The following ANO3 variants were observed in gnomAD, a reference collection of about 807,000 sequenced individuals.
ANO3 encodes the protein anoctamin 3.
ANO3 carries 99 observed loss-of-function variants against 144.8 expected under a neutral mutation model. The ratio of observed to expected loss-of-function variants is 0.68; its 90% confidence interval spans 0.58 to 0.81. The LOEUF is 0.81. Ranked by LOEUF, ANO3 falls within the 30% of genes least tolerant of loss-of-function variation. ANO3 has a pLI of 0.00. For synonymous variants in ANO3, 414 were observed against 392.6 expected (o/e 1.05, Z -0.64); for missense variants, 905 against 1,202.2 (o/e 0.75, Z 3.66).
chr11:26,203,962 T>G (rs1851747226), intron 1 of ANO3, among the ~76,000 whole-genome samples: 2 of 152,102 alleles, frequency 1.3e-5, no homozygotes, highest in Non-Finnish European at 2.9e-5. Flanking sequence ...TCTCTCACAG[T>G]TTTTACAACA....
intron 4 of ANO3, among the ~76,000 whole-genome samples, chr11:26,474,449 T>C (rs995596369): frequency 1.3e-5 from 2 of 151,844 alleles, no homozygotes; most frequent in Non-Finnish European, 2.9e-5. Flanking sequence ...ATAAAATATA[T>C]TTACCTTTAA....
chr11:26,203,472 T>C (rs1197268689), intron 1 of ANO3, among the ~76,000 whole-genome samples: 2 of 152,096 alleles, frequency 1.3e-5, no homozygotes, highest in African/African-American at 4.8e-5. Context: ...AAGATGCAGT[T>C]GGAGTTGAAA....
chr11:26,350,081 G>GGGGGAGGAGACAGGAACGGAAC (rs1855602616), intron 1 of ANO3, among the ~76,000 whole-genome samples: 1 of 151,780 alleles, frequency 6.6e-6, no homozygotes, highest in Non-Finnish European at 1.5e-5. Flanking sequence ...AGGAACGGAA[G>GGGGGAGGAGACAGGAACGGAAC]GGGGAGAAGA....
chr11:26,258,386 ACT>A (rs1436465373), intron 1 of ANO3, among the ~76,000 whole-genome samples: 4 of 152,170 alleles, frequency 2.6e-5, no homozygotes, highest in Admixed American at 6.5e-5. Context: ...TGAAATGTCT[ACT>A]CTCTGCTCAA....
chr11:26,279,890 T>C (rs1853641772), intron 1 of ANO3, among the ~76,000 whole-genome samples: 1 of 152,216 alleles, frequency 6.6e-6, no homozygotes, highest in African/African-American at 2.4e-5. Context: ...ATACTTGCTC[T>C]TATTAATGAA....
intron 17 of ANO3, among the ~76,000 whole-genome samples, chr11:26,603,063 T>A (rs942054134): frequency 1.3e-5 from 2 of 152,170 alleles, no homozygotes; most frequent in East Asian, 1.9e-4. Flanking sequence ...TTTTAAAAAA[T>A]TTTAAATAAA....
intron 7 of ANO3, among the ~76,000 whole-genome samples, chr11:26,528,172 A>G (rs1158712596): frequency 1.3e-5 from 2 of 152,186 alleles, no homozygotes; most frequent in African/African-American, 2.4e-5. Context: ...AGTATAAATC[A>G]TATATCATTA....
intron 1 of ANO3, among the ~76,000 whole-genome samples, chr11:26,357,415 G>A (rs1855810001): frequency 1.3e-5 from 2 of 152,150 alleles, no homozygotes; most frequent in South Asian, 4.1e-4. Flanking sequence ...TAAGTGCACA[G>A]TGGTGGTATC....
At chr11:26,266,470 G>C (rs939245594) in intron 1 of ANO3, among the ~76,000 whole-genome samples, 1 of 134,876 alleles carries the variant, frequency 7.4e-6, no homozygotes, top group Non-Finnish European at 1.5e-5. Flanking sequence ...GTCTCACTCT[G>C]TTTCCCAGGC....
intron 1 of ANO3, among the ~76,000 whole-genome samples, chr11:26,291,087 G>C (rs1853946027): frequency 6.6e-6 from 1 of 152,168 alleles, no homozygotes; most frequent in Non-Finnish European, 1.5e-5. Context: ...ATGAATCTGG[G>C]TGCTCCTGTA....
At chr11:26,520,522 A>G (rs759868848) in intron 6 of ANO3, among the ~76,000 whole-genome samples, 4 of 152,182 alleles carry the variant, frequency 2.6e-5, no homozygotes, top group Admixed American at 6.5e-5. Context: ...GGAAATTCTC[A>G]TGATTTACCA....
chr11:26,473,413 G>A (rs1859850493), intron 4 of ANO3, among the ~76,000 whole-genome samples: 1 of 151,882 alleles, frequency 6.6e-6, no homozygotes, highest in South Asian at 2.1e-4. Context: ...ATCATTATGT[G>A]CAGCTCAGAG....
At chr11:26,457,264 A>C (rs908213364) in intron 3 of ANO3, among the ~76,000 whole-genome samples, 1 of 151,602 alleles carries the variant, frequency 6.6e-6, no homozygotes, top group African/African-American at 2.4e-5. Context: ...ACGTTTTTGC[A>C]CATGTACCCT....
chr11:26,235,388 T>C (rs1590208645), intron 1 of ANO3, among the ~76,000 whole-genome samples: 1 of 152,338 alleles, frequency 6.6e-6, no homozygotes, highest in South Asian at 2.1e-4. Flanking sequence ...TATGTGTGTG[T>C]GTTTCTCTCT....
chr11:26,624,577 T>C (rs1450455887), intron 18 of ANO3, 79 bp downstream of exon 18: 4 of 1,035,818 alleles, frequency 3.9e-6, no homozygotes, highest in Admixed American at 4.1e-5. Flanking sequence ...CTTTATATAA[T>C]GTAGCATTTT....
intron 1 of ANO3, among the ~76,000 whole-genome samples, chr11:26,322,145 T>C (rs979813375): frequency 2.6e-5 from 4 of 152,082 alleles, no homozygotes; most frequent in South Asian, 2.1e-4. Context: ...TGCAAAACCA[T>C]GGTATTTAGC....
chr11:26,200,390 G>A (rs1187638657), intron 1 of ANO3, among the ~76,000 whole-genome samples: 2 of 151,990 alleles, frequency 1.3e-5, no homozygotes, highest in Non-Finnish European at 2.9e-5. Flanking sequence ...GCTTTCTTTG[G>A]CACAGGTGTA....
At chr11:26,373,497 C>T (rs1461369) in intron 1 of ANO3, among the ~76,000 whole-genome samples, 82,104 of 152,092 alleles carry the variant, frequency 0.54, 23,240 homozygotes, top group East Asian at 0.68. Context: ...AATTAAACTG[C>T]TTTTCTTTAT....
intron 1 of ANO3, among the ~76,000 whole-genome samples, chr11:26,274,090 A>C (rs1380346809): frequency 6.6e-6 from 1 of 152,130 alleles, no homozygotes; most frequent in African/African-American, 2.4e-5. Context: ...AGAGGCAGAG[A>C]GTGAAAATCT....
Sources: allele counts gnomAD v4.1 joint callset (sites outside exome capture counted in the v4.1 genomes callset), GRCh38; gene constraint gnomAD v4.1.1; transcripts MANE v1.5; gene names NCBI Gene and HGNC (gene_info 2026-07-23, HGNC 2026-07-21).